The following BAALC variants were observed in gnomAD, a reference collection of about 807,000 sequenced individuals.
The protein encoded by BAALC is BAALC binder of MAP3K1 and KLF4, also known as brain and acute leukemia cytoplasmic protein.
In BAALC, 9 loss-of-function variants were observed where a neutral mutation model predicts 15.5. The ratio of observed to expected loss-of-function variants is 0.58; its 90% CI spans 0.35 to 1.02. The LOEUF (loss-of-function observed/expected upper bound fraction) is 1.02. Ranked by LOEUF, BAALC falls within the 50% of genes least tolerant of loss-of-function variation. The pLI is 0.02. For missense variants in BAALC, 201 were observed against 192.4 expected (o/e 1.04, Z -0.27); for synonymous variants, 80 against 74.6 (o/e 1.07, Z -0.37).
rs555027268 is a variant in BAALC, at chr8:103,189,709, C to T, written c.161-23210C>T. On this transcript the variant is annotated intron_variant, in intron 1 of 2. Coordinates refer to ENST00000309982, the MANE Select transcript of BAALC (RefSeq NM_024812.3). ...GAAATAACACCTAGGTGGGCATGAGCCTGACCTTTCTGAGGAGCCTAGGGA... is the reference window on the plus strand; with the variant it reads ...GAAATAACACCTAGGTGGGCATGAGTCTGACCTTTCTGAGGAGCCTAGGGA... 2.9e-3 allele frequency among the ~76,000 whole-genome samples: 449 copies of T among 152,302 alleles called. 2 individuals are homozygous for T. Among genetic ancestry groups the T allele is most frequent in the African/African-American group, 0.01 (419 of 41,564 alleles).
intron 1 of BAALC, chr8:103,183,245 C>T: frequency 3.0e-6 from 2 of 664,006 alleles, no homozygotes; most frequent in Non-Finnish European, 2.8e-6. Context: ...AGCAAGATGG[C>T]CAAGAGTCCT....
intron 1 of BAALC, among the ~76,000 whole-genome samples, chr8:103,179,694 G>A (rs375653844): frequency 4.6e-5 from 7 of 152,260 alleles, no homozygotes; most frequent in South Asian, 4.1e-4. Context: ...TTAAAACTTT[G>A]TGGGTACCAA....
intron 1 of BAALC, among the ~76,000 whole-genome samples, chr8:103,187,490 GAACA>G (rs1299910978): frequency 9.9e-5 from 15 of 152,186 alleles, no homozygotes; most frequent in Admixed American, 9.2e-4. Flanking sequence ...AGAGTGTGCA[GAACA>G]AACAGAGTTG....
At position 103,187,638 on chromosome 8, in the gene BAALC, A is replaced by G. The variant is rs752091248; in HGVS notation, c.161-25281A>G. On this transcript the variant is annotated intron_variant, in intron 1 of 2. Transcript: ENST00000309982. ...GCAAACAGCTTTCTGCTTTTTGCTT[A>G]TGGTCCCTCATCTCTTTGGGGTCAG... is the stretch of plus-strand genomic sequence containing the variant. 2.7e-4 allele frequency among the ~76,000 whole-genome samples: 41 copies of G among 152,188 alleles called. 1 individual carries two copies. The highest frequency in any genetic ancestry group is 5.3e-4 in the Non-Finnish European group (36 of 67,990).
rs185281112 is a variant in BAALC, at chr8:103,181,043, G to A, written c.161-31876G>A. ...AGATGTAGAGTTTAGGTTTCGTGAT[G>A]AGGTTTTGAGGCCTTTCAGAATATT... On this transcript the variant is annotated intron_variant, in intron 1 of 2. Transcript: ENST00000309982. Among the ~76,000 whole-genome samples the A allele has an allele frequency of 3.4e-4, 52 of 152,122 alleles. No homozygotes were observed. In the East Asian group the frequency reaches 9.3e-3, roughly 27 times the overall value.
intron 1 of BAALC, chr8:103,165,772 G>A (rs1349771237): frequency 6.6e-6 from 1 of 152,072 alleles, no homozygotes; most frequent in Non-Finnish European, 1.5e-5. Flanking sequence ...AACCTCATGG[G>A]GTCAGATTAC....
intron 2 of BAALC, among the ~76,000 whole-genome samples, chr8:103,221,869 A>C (rs1423236083): frequency 6.6e-6 from 1 of 152,236 alleles, no homozygotes; most frequent in East Asian, 1.9e-4. Flanking sequence ...ATGGCCCATG[A>C]CACAGCCCTC....
chr8:103,161,575 T>C (rs1366016574), intron 1 of BAALC, among the ~76,000 whole-genome samples: 1 of 152,226 alleles, frequency 6.6e-6, no homozygotes, highest in Admixed American at 6.5e-5. Flanking sequence ...TCTTTTACTG[T>C]AACAAATAGT....
intron 1 of BAALC, among the ~76,000 whole-genome samples, chr8:103,153,571 A>G (rs1487653274): frequency 2.0e-5 from 3 of 152,216 alleles, no homozygotes; most frequent in Non-Finnish European, 4.4e-5. Context: ...TGCATGGTGG[A>G]CATTCCCTTG....
chr8:103,219,838 A>G lies in BAALC; in HGVS notation c.327+6753A>G, dbSNP rs74850052. 3.1e-3 allele frequency among the ~76,000 whole-genome samples: 471 copies of G among 152,330 alleles called. 3 individuals are homozygous for G. Among genetic ancestry groups the G allele is most frequent in the South Asian group, 5.4e-3 (26 of 4,820 alleles). On this transcript the variant is annotated intron_variant, in intron 2 of 2. Coordinates refer to ENST00000309982, the MANE Select transcript of BAALC (RefSeq NM_024812.3). ...CCTTTCATGAGACCTGTCTGAAAAG[A>G]AGTCAAACATCTGGAGTTGCAGCTG...
At chr8:103,221,609 C>T (rs893356733) in intron 2 of BAALC, among the ~76,000 whole-genome samples, 6 of 152,104 alleles carry the variant, frequency 3.9e-5, no homozygotes, top group African/African-American at 1.4e-4. Flanking sequence ...GCATCACAGG[C>T]ACTGAGGGAC....
At chr8:103,154,948 T>G (rs148220931) in intron 1 of BAALC, among the ~76,000 whole-genome samples, 2,207 of 150,478 alleles carry the variant, frequency 0.015, 50 homozygotes, top group African/African-American at 0.037. Flanking sequence ...ATAATATATA[T>G]GGAGAATAGT....
intron 2 of BAALC, among the ~76,000 whole-genome samples, chr8:103,216,524 A>G (rs1157347064): frequency 6.6e-6 from 1 of 152,164 alleles, no homozygotes; most frequent in Non-Finnish European, 1.5e-5. Flanking sequence ...GTCTCACTCT[A>G]TCACCCAGGC....
intron 1 of BAALC, among the ~76,000 whole-genome samples, chr8:103,180,109 A>C (rs1811692973): frequency 6.6e-6 from 1 of 152,236 alleles, no homozygotes; most frequent in African/African-American, 2.4e-5. Context: ...GCTGTGAAGA[A>C]CAAGTGGAAG....
intron 1 of BAALC, among the ~76,000 whole-genome samples, chr8:103,164,194 A>G (rs1290018838): frequency 6.6e-6 from 1 of 152,138 alleles, no homozygotes; most frequent in African/African-American, 2.4e-5. Context: ...GGCCCCCAGT[A>G]GTGCAAAGGC....
chr8:103,206,712 C>G (rs185425543), intron 1 of BAALC, among the ~76,000 whole-genome samples: 49 of 152,048 alleles, frequency 3.2e-4, no homozygotes, highest in African/African-American at 1.2e-3. Flanking sequence ...AGTAACAGAG[C>G]CTGAGATGGA....
In BAALC at chr8:103,222,533, CAG is replaced by C. The variant is rs1812701143; in HGVS notation, c.328-5453_328-5452del. Among the ~76,000 whole-genome samples the C allele has an allele frequency of 2.6e-5, 4 of 152,148 alleles. 1 individual carries two copies. On this transcript the variant is annotated intron_variant, in intron 2 of 2. Coordinates refer to ENST00000309982, the MANE Select transcript of BAALC (RefSeq NM_024812.3). ...AGGAATTTGGGCAAGATAAAAAAAT[CAG>C]AGTTTAGTCCTCAATTGCAACGACT...
chr8:103,214,717 GA>G (rs1468783736), intron 2 of BAALC, among the ~76,000 whole-genome samples: 2 of 152,154 alleles, frequency 1.3e-5, no homozygotes, highest in Non-Finnish European at 2.9e-5. Context: ...GTGAACAGAT[GA>G]GCCTCCTCTT....
intron 1 of BAALC, among the ~76,000 whole-genome samples, chr8:103,196,520 A>G (rs988745660): frequency 2.6e-5 from 4 of 152,050 alleles, no homozygotes; most frequent in African/African-American, 9.7e-5. Flanking sequence ...GACTCAAGCA[A>G]TCTTCCTGTC....
Sources: gnomAD v4.1 joint callset for allele counts (sites outside exome capture counted in the v4.1 genomes callset) on GRCh38, gnomAD v4.1.1 for gene constraint, MANE v1.5 for transcripts, NCBI Gene and HGNC (gene_info 2026-07-23, HGNC 2026-07-21) for gene names.